The following OSBPL9 variants were observed in gnomAD, a reference collection of about 807,000 sequenced individuals.
OSBPL9 encodes oxysterol-binding protein-related protein 9.
OSBPL9 carries 40 observed loss-of-function variants against 106.6 expected under a neutral mutation model. The observed-to-expected ratio is 0.38, with a 90% CI of 0.29 to 0.49. The LOEUF (loss-of-function observed/expected upper bound fraction) is 0.49, where lower values mean the gene tolerates loss of function less well. OSBPL9 is among the 20% of genes least tolerant of loss of function. The pLI is 0.97. For synonymous variants in OSBPL9, 269 were observed against 295.4 expected (o/e 0.91, Z 0.92); for missense variants, 609 against 887.2 (o/e 0.69, Z 3.98).
intron 2 of OSBPL9, chr1:51,598,233 T>G (rs11809698): frequency 3.9e-5 from 6 of 152,260 alleles, no homozygotes; most frequent in African/African-American, 1.4e-4. Flanking sequence ...AATCACTCTT[T>G]CATTTTGTGA....
intron 9 of OSBPL9, among the ~76,000 whole-genome samples, chr1:51,758,700 A>G (rs1485469594): frequency 1.3e-5 from 2 of 152,194 alleles, no homozygotes; most frequent in Non-Finnish European, 2.9e-5. Flanking sequence ...CCTTGTTCCA[A>G]AGTTATTTTA....
chr1:51,660,264 G>A (rs1158437343), intron 2 of OSBPL9, among the ~76,000 whole-genome samples: 1 of 152,032 alleles, frequency 6.6e-6, no homozygotes, highest in Admixed American at 6.6e-5. Flanking sequence ...AGATAGAGCA[G>A]AAAGCATAAA....
rs376122413 is a variant in OSBPL9 at position 51,761,852 on chromosome 1, G to A, written c.674-15G>A. Reference sequence around the variant, plus strand: ...GCTGTTTCTGTACCTTATTTTATACGTTCAAATCTCCTAGAACCTGTTCAG... The same window carrying A: ...GCTGTTTCTGTACCTTATTTTATACATTCAAATCTCCTAGAACCTGTTCAG... On this transcript the variant is annotated splice_polypyrimidine_tract_variant and intron_variant, in intron 10 of 23. Transcript: ENST00000428468. 1.5e-5 allele frequency: 24 copies of A among 1,577,884 alleles called. 1 individual carries two copies. The East Asian group carries it at 3.6e-4, about 24-fold the overall frequency.
At chr1:51,705,144 C>G (rs897360678) in intron 3 of OSBPL9, among the ~76,000 whole-genome samples, 1 of 151,488 alleles carries the variant, frequency 6.6e-6, no homozygotes, top group Non-Finnish European at 1.5e-5. Flanking sequence ...GATGGTATGT[C>G]TGAAAATCAC....
intron 4 of OSBPL9, among the ~76,000 whole-genome samples, chr1:51,719,433 A>G (rs910656717): frequency 7.2e-5 from 11 of 151,774 alleles, no homozygotes; most frequent in Non-Finnish European, 1.5e-4. Context: ...ATAGAGGGGA[A>G]CTTTTCAGAT....
Position 51,745,526 on chromosome 1 carries a change from C to G in OSBPL9, c.319-10C>G. 6.2e-7 allele frequency: 1 copy of G among 1,610,120 alleles called. No homozygotes were observed. The highest frequency in any genetic ancestry group is 8.5e-7 in the Non-Finnish European group (1 of 1,178,026). The stretch of plus-strand genomic sequence containing the variant: ...TTCTGGTAGATTTATTGCAAATTCT[C>G]TTTCTCTAGGGTTTGGATTCAGGAT... On this transcript the variant is annotated splice_polypyrimidine_tract_variant and intron_variant, in intron 4 of 23. Transcript: ENST00000428468.
intron 17 of OSBPL9, 40 bp downstream of exon 17, chr1:51,782,683 C>T: frequency 3.8e-6 from 6 of 1,579,434 alleles, no homozygotes; most frequent in Non-Finnish European, 5.2e-6. Context: ...GCTCTCAAAA[C>T]TATTCTGTCT....
intron 15 of OSBPL9, among the ~76,000 whole-genome samples, chr1:51,778,084 G>A (rs921480110): frequency 6.6e-6 from 1 of 152,122 alleles, no homozygotes; most frequent in African/African-American, 2.4e-5. Flanking sequence ...TGCAGTCCCA[G>A]CAATTTGAGG....
intron 2 of OSBPL9, among the ~76,000 whole-genome samples, chr1:51,605,254 T>C (rs898213697): frequency 6.6e-6 from 1 of 152,080 alleles, no homozygotes; most frequent in African/African-American, 2.4e-5. Context: ...ACAAGAGCCA[T>C]TTAAATAAGG....
chr1:51,671,277 C>G (rs1427857478), intron 3 of OSBPL9, among the ~76,000 whole-genome samples: 3 of 151,826 alleles, frequency 2.0e-5, no homozygotes, highest in African/African-American at 4.8e-5. Context: ...TCATAAAATC[C>G]CTGCAAATTT....
chr1:51,703,804 C>T (rs1657834030), intron 3 of OSBPL9, among the ~76,000 whole-genome samples: 1 of 152,198 alleles, frequency 6.6e-6, no homozygotes, highest in South Asian at 2.1e-4. Flanking sequence ...TTTTGAGATA[C>T]TTCCCATCAA....
intron 1 of OSBPL9, among the ~76,000 whole-genome samples, chr1:51,589,332 G>A (rs1472263777): frequency 2.6e-5 from 4 of 152,128 alleles, no homozygotes; most frequent in African/African-American, 9.7e-5. Flanking sequence ...CAGGCGATCT[G>A]CCTGCCTCAG....
the OSBPL9 span, among the ~76,000 whole-genome samples, chr1:51,568,319 C>T: frequency 2.6e-5 from 4 of 152,188 alleles, no homozygotes; most frequent in East Asian, 7.7e-4. Context: ...TACTATCCCC[C>T]ACTTTTAGCT....
chr1:51,550,154 T>C, the OSBPL9 span, among the ~76,000 whole-genome samples: 1 of 152,238 alleles, frequency 6.6e-6, no homozygotes, highest in Non-Finnish European at 1.5e-5. Context: ...AATGGTATCC[T>C]CTACAATGGC....
upstream of OSBPL9, among the ~76,000 whole-genome samples, chr1:51,616,483 C>G (rs1478317465): frequency 6.6e-6 from 1 of 152,186 alleles, no homozygotes; most frequent in Admixed American, 6.5e-5. Flanking sequence ...TTCCACCAGG[C>G]TCCCTCCTTC....
chr1:51,520,248 T>G, the OSBPL9 span, among the ~76,000 whole-genome samples: 1 of 152,198 alleles, frequency 6.6e-6, no homozygotes, highest in Non-Finnish European at 1.5e-5. Flanking sequence ...GCATGCTCAG[T>G]AAAGGCCTTC....
At chr1:51,527,922 G>A in the OSBPL9 span, among the ~76,000 whole-genome samples, 1 of 150,224 alleles carries the variant, frequency 6.7e-6, no homozygotes, top group Non-Finnish European at 1.5e-5. Flanking sequence ...AGACCAGCCT[G>A]GCCAACATGG....
the OSBPL9 span, among the ~76,000 whole-genome samples, chr1:51,542,676 G>C: frequency 6.6e-6 from 1 of 152,138 alleles, no homozygotes; most frequent in African/African-American, 2.4e-5. Flanking sequence ...ATGCATGTAA[G>C]GTATATGTTA....
chr1:51,675,405 AGTGTGT>A (rs61005283), intron 3 of OSBPL9, among the ~76,000 whole-genome samples: 29 of 149,460 alleles, frequency 1.9e-4, no homozygotes, highest in Non-Finnish European at 3.7e-4. Flanking sequence ...AATGGGGTTG[AGTGTGT>A]GTGTGTGTGT....
Sources: allele counts gnomAD v4.1 joint callset (sites outside exome capture counted in the v4.1 genomes callset), GRCh38; gene constraint gnomAD v4.1.1; transcripts MANE v1.5; gene names NCBI Gene and HGNC (gene_info 2026-07-23, HGNC 2026-07-21).